Variants in SYT1 observed in about 807,000 individuals in gnomAD.
SYT1 encodes the protein synaptotagmin-1.
In SYT1, 8 loss-of-function variants were observed where a neutral mutation model predicts 44.8. The observed-to-expected ratio is 0.18, with a 90% CI of 0.10 to 0.32. SYT1 has a LOEUF of 0.32. Among genes scored for constraint, SYT1 ranks in the 10% least tolerant of loss-of-function variants. SYT1 has a pLI of 1.00. For synonymous variants in SYT1, 154 were observed against 188.8 expected (o/e 0.82, Z 1.51); for missense variants, 286 against 509.3 (o/e 0.56, Z 4.22).
At chr12:79,291,683 C>A (rs566470438) in intron 5 of SYT1, 1 of 438,440 alleles carries the variant, frequency 2.3e-6, no homozygotes, top group East Asian at 6.4e-5. Context: ...GTTTATCTTT[C>A]CTCTGAAAGC....
At chr12:79,042,353 G>A (rs949987199) in intron 2 of SYT1, among the ~76,000 whole-genome samples, 4 of 149,988 alleles carry the variant, frequency 2.7e-5, no homozygotes, top group African/African-American at 4.8e-5. Context: ...TTTAGTCCTG[G>A]GAGAGTGTAT....
intron 3 of SYT1, among the ~76,000 whole-genome samples, chr12:79,180,474 T>TTC (rs1208499482): frequency 1.6e-3 from 113 of 69,016 alleles, no homozygotes; most frequent in African/African-American, 9.0e-3. Context: ...GTAATTTATT[T>TTC]TCTTTTTTTT....
intron 1 of SYT1, among the ~76,000 whole-genome samples, chr12:78,939,208 A>G (rs1878224328): frequency 6.6e-6 from 1 of 152,226 alleles, no homozygotes; most frequent in Non-Finnish European, 1.5e-5. Context: ...ATTTCAAAGG[A>G]TATTTCATTT....
intron 3 of SYT1, among the ~76,000 whole-genome samples, chr12:79,062,395 T>C (rs1247806753): frequency 6.6e-6 from 1 of 152,200 alleles, no homozygotes; most frequent in Non-Finnish European, 1.5e-5. Context: ...CAATTTGATA[T>C]TGAAAAGCCT....
intron 9 of SYT1, among the ~76,000 whole-genome samples, chr12:79,411,161 A>G (rs1465998224): frequency 6.6e-6 from 1 of 152,238 alleles, no homozygotes; most frequent in East Asian, 1.9e-4. Context: ...ATCTATCACA[A>G]GGAACCTAAG....
At chr12:79,194,085 G>A (rs1467816991) in intron 3 of SYT1, among the ~76,000 whole-genome samples, 1 of 152,094 alleles carries the variant, frequency 6.6e-6, no homozygotes, top group Non-Finnish European at 1.5e-5. Context: ...TTTATGCAGA[G>A]TGAGCCTCTG....
At chr12:78,986,378 A>T (rs1414509888) in intron 2 of SYT1, among the ~76,000 whole-genome samples, 2 of 151,826 alleles carry the variant, frequency 1.3e-5, no homozygotes, top group African/African-American at 4.8e-5. Flanking sequence ...TTATTTTATT[A>T]GTCAGTAGTT....
rs116758589 is a variant in SYT1 at position 79,391,719 on chromosome 12, A to T, written c.928+38100A>T. Among the ~76,000 whole-genome samples, 1,092 of 152,360 alleles carry T rather than the reference A, an allele frequency of 7.2e-3. 11 individuals are homozygous for T. The highest frequency in any genetic ancestry group is 0.025 in the African/African-American group (1,021 of 41,588). ...CAACAGTTTTGAGTAGACAGTAAGA[A>T]TTACAAATGATTACACCACTTAGAA... On this transcript the variant is annotated intron_variant, in intron 9 of 10. Transcript: ENST00000261205.
intron 3 of SYT1, among the ~76,000 whole-genome samples, chr12:79,124,143 C>T (rs181493567): frequency 6.6e-6 from 1 of 152,294 alleles, no homozygotes; most frequent in African/African-American, 2.4e-5. Context: ...CAAAATTCAT[C>T]CTCTAAAAGC....
chr12:78,944,102 T>C (rs1270129849), intron 1 of SYT1, among the ~76,000 whole-genome samples: 3 of 151,938 alleles, frequency 2.0e-5, no homozygotes, highest in East Asian at 1.9e-4. Context: ...TTTATTCTTA[T>C]AAAGATTTCA....
At chr12:79,109,453 G>T (rs1040265972) in intron 3 of SYT1, among the ~76,000 whole-genome samples, 1 of 151,788 alleles carries the variant, frequency 6.6e-6, no homozygotes, top group Non-Finnish European at 1.5e-5. Context: ...CAACACCTAC[G>T]CCCAGCTAGA....
chr12:78,913,176 T>G (rs574268770), intron 1 of SYT1, among the ~76,000 whole-genome samples: 3 of 151,610 alleles, frequency 2.0e-5, no homozygotes, highest in Admixed American at 2.0e-4. Flanking sequence ...TTCATAGATA[T>G]GTTTTATTTA....
chr12:79,058,526 T>TCTAACCCAA (rs1875133751), intron 3 of SYT1, among the ~76,000 whole-genome samples: 1 of 152,072 alleles, frequency 6.6e-6, no homozygotes, highest in Non-Finnish European at 1.5e-5. Flanking sequence ...TTTCCAATTT[T>TCTAACCCAA]CTAACCCAAC....
chr12:79,412,783 G>GA (rs950713937), intron 9 of SYT1, among the ~76,000 whole-genome samples: 2 of 152,076 alleles, frequency 1.3e-5, no homozygotes, highest in Non-Finnish European at 2.9e-5. Flanking sequence ...TTCCTCTCCA[G>GA]AAAAATTAAC....
chr12:79,019,519 A>G (rs1002868012), intron 2 of SYT1, among the ~76,000 whole-genome samples: 1 of 151,988 alleles, frequency 6.6e-6, no homozygotes, highest in African/African-American at 2.4e-5. Flanking sequence ...CAGAGTGCCT[A>G]CCTACCACAG....
intron 4 of SYT1, among the ~76,000 whole-genome samples, chr12:79,264,927 C>T (rs1565881813): frequency 6.6e-6 from 1 of 152,164 alleles, no homozygotes; most frequent in Non-Finnish European, 1.5e-5. Context: ...GCAATCTTTA[C>T]TTTAGAACCT....
At chr12:79,046,466 C>T (rs1426199251) in intron 2 of SYT1, 1 of 152,104 alleles carries the variant, frequency 6.6e-6, no homozygotes, top group Non-Finnish European at 1.5e-5. Flanking sequence ...TTGTCTGTAG[C>T]ATCATGGAAA....
chr12:79,298,099 C>T (rs1253120181), intron 7 of SYT1, among the ~76,000 whole-genome samples: 1 of 152,114 alleles, frequency 6.6e-6, no homozygotes. Flanking sequence ...AAATCTGGTA[C>T]AAGGTCTGTC....
chr12:79,025,522 C>T (rs1416203075), intron 2 of SYT1, among the ~76,000 whole-genome samples: 2 of 151,408 alleles, frequency 1.3e-5, no homozygotes, highest in Non-Finnish European at 3.0e-5. Context: ...GAAAAGAACT[C>T]GAAGTACACT....
Sources: allele counts gnomAD v4.1 joint callset (sites outside exome capture counted in the v4.1 genomes callset), GRCh38; gene constraint gnomAD v4.1.1; transcripts MANE v1.5; gene names NCBI Gene and HGNC (gene_info 2026-07-23, HGNC 2026-07-21).